Variants in SDK1 observed in about 807,000 individuals in gnomAD.
SDK1 encodes the protein sidekick cell adhesion molecule 1.
Under a neutral mutation model 245.5 loss-of-function variants are expected in SDK1, and 157 were observed. The ratio of observed to expected loss-of-function variants is 0.64; its 90% confidence interval spans 0.56 to 0.73. The LOEUF (loss-of-function observed/expected upper bound fraction) is 0.73. Among genes scored for constraint, SDK1 ranks in the 30% least tolerant of loss-of-function variants. The probability of loss-of-function intolerance (pLI) is 0.00; values close to 1 mark genes in which losing one functional copy is unlikely to be tolerated. For synonymous variants in SDK1, 1,647 were observed against 1,278.5 expected, an observed-to-expected ratio of 1.29 and a Z score of -6.15; for missense variants, 3,583 against 3,002.3, an observed-to-expected ratio of 1.19 and a Z score of -4.52.
chr7:3,858,873 T>C (rs1306881032), intron 5 of SDK1, among the ~76,000 whole-genome samples: 2 of 149,616 alleles, frequency 1.3e-5, no homozygotes, highest in Non-Finnish European at 3.0e-5. Flanking sequence ...TTTCTTTTTT[T>C]TTTTTTTGAG....
At chr7:3,576,149 A>C (rs377030624) in intron 1 of SDK1, among the ~76,000 whole-genome samples, 64 of 152,280 alleles carry the variant, frequency 4.2e-4, no homozygotes, top group Non-Finnish European at 7.9e-4. Flanking sequence ...AGAATTTTCT[A>C]CTAGACCAGG....
intron 32 of SDK1, among the ~76,000 whole-genome samples, chr7:4,164,199 C>G (rs1015245508): frequency 6.6e-6 from 1 of 152,192 alleles, no homozygotes; most frequent in African/African-American, 2.4e-5. Context: ...AGCCTGGGCC[C>G]CACCTCTGCC....
intron 1 of SDK1, among the ~76,000 whole-genome samples, chr7:3,428,879 G>A (rs954328354): frequency 2.0e-5 from 3 of 152,164 alleles, no homozygotes; most frequent in Admixed American, 2.0e-4. Flanking sequence ...GGAGAAAACT[G>A]GTCTAAATAG....
chr7:3,824,055 T>C (rs1779710613), intron 5 of SDK1, among the ~76,000 whole-genome samples: 1 of 152,114 alleles, frequency 6.6e-6, no homozygotes. Flanking sequence ...TTGTTTTAAT[T>C]GTGCTTCTTT....
intron 5 of SDK1, among the ~76,000 whole-genome samples, chr7:3,828,259 C>T (rs530044621): frequency 1.1e-4 from 16 of 151,930 alleles, no homozygotes; most frequent in Admixed American, 6.6e-5. Context: ...ACCAAGGCGA[C>T]GGAGCAAGAC....
At chr7:4,074,412 A>G (rs1448816242) in intron 20 of SDK1, among the ~76,000 whole-genome samples, 1 of 152,144 alleles carries the variant, frequency 6.6e-6, no homozygotes, top group African/African-American at 2.4e-5. Context: ...AAGTCCACGA[A>G]GCTTTCTGTG....
At chr7:3,481,470 C>T (rs1180649312) in intron 1 of SDK1, among the ~76,000 whole-genome samples, 1 of 152,234 alleles carries the variant, frequency 6.6e-6, no homozygotes, top group Non-Finnish European at 1.5e-5. Context: ...TTCTGTGCTC[C>T]CAGAGTCTGA....
Position 3,950,926 on chromosome 7 carries a change from A to T in SDK1, c.851A>T (p.Asp284Val). 1.9e-6 allele frequency: 3 copies of T among 1,611,560 alleles called. No individual in the cohort carries two copies. Among genetic ancestry groups the T allele is most frequent in the Non-Finnish European group, 2.5e-6 (3 of 1,177,958 alleles). Residue 284 changes from aspartate (D) to valine (V), a missense_variant, in exon 6 of 45, where the codon GAT becomes GTT. Asp to Val is a radical substitution (Grantham distance 152). Transcript: ENST00000404826. Reference sequence around the variant, plus strand: ...ATTTCTCTTTTCTCTGCCACAGGAGATGTTGGCACACCTGAAACCATGGCC... The same window carrying T: ...ATTTCTCTTTTCTCTGCCACAGGAGTTGTTGGCACACCTGAAACCATGGCC... ...SPFIHLSIAR[D>V]VGTPETMAPT...
intron 28 of SDK1, among the ~76,000 whole-genome samples, chr7:4,136,202 G>C (rs1251163005): frequency 1.3e-5 from 2 of 152,186 alleles, no homozygotes; most frequent in East Asian, 3.8e-4. Flanking sequence ...CTGTCATGCA[G>C]CATTGGCTTG....
chr7:4,253,297 A>G (rs550013703), intron 44 of SDK1, among the ~76,000 whole-genome samples: 24 of 152,292 alleles, frequency 1.6e-4, no homozygotes, highest in Admixed American at 1.5e-3. Context: ...GCACTGTGTT[A>G]GCTGAATCTC....
chr7:3,479,861 C>CAA (rs200021941), intron 1 of SDK1, among the ~76,000 whole-genome samples: 19,958 of 131,810 alleles, frequency 0.15, 1,420 homozygotes, highest in Middle Eastern at 0.23. Context: ...GAGTCCATCT[C>CAA]AAAAAAAAAA....
At chr7:3,409,597 T>C (rs1393642389) in intron 1 of SDK1, among the ~76,000 whole-genome samples, 3 of 152,118 alleles carry the variant, frequency 2.0e-5, no homozygotes, top group Admixed American at 6.6e-5. Flanking sequence ...GCAGAGGAAA[T>C]GGCAGTGAAG....
intron 1 of SDK1, among the ~76,000 whole-genome samples, chr7:3,476,888 G>C (rs901812415): frequency 1.3e-5 from 2 of 152,146 alleles, no homozygotes; most frequent in African/African-American, 4.8e-5. Context: ...TAGGGCTTTT[G>C]GCAGTAAGTG....
At chr7:4,084,625 G>A (rs1168386262) in intron 22 of SDK1, among the ~76,000 whole-genome samples, 7 of 151,362 alleles carry the variant, frequency 4.6e-5, no homozygotes, top group Non-Finnish European at 1.0e-4. Flanking sequence ...TCATACTGAC[G>A]TTTCCAATGA....
chr7:3,743,212 G>A (rs1779525333), intron 4 of SDK1, among the ~76,000 whole-genome samples: 1 of 152,120 alleles, frequency 6.6e-6, no homozygotes, highest in South Asian at 2.1e-4. Flanking sequence ...TCATGTGAGG[G>A]GTAGTTTAAA....
chr7:4,161,502 C>T (rs1012913410), intron 31 of SDK1, among the ~76,000 whole-genome samples: 16 of 152,206 alleles, frequency 1.1e-4, no homozygotes, highest in African/African-American at 3.9e-4. Flanking sequence ...AGCTCCAGGA[C>T]AGCCTCACTG....
chr7:3,391,049 CT>C (rs1466000968), intron 1 of SDK1, among the ~76,000 whole-genome samples: 1 of 152,122 alleles, frequency 6.6e-6, no homozygotes, highest in Non-Finnish European at 1.5e-5. Flanking sequence ...TACCATTGCT[CT>C]TTGAGTAATT....
intron 10 of SDK1, 133 bp from the exon 11 acceptor site, chr7:3,969,124 A>C: frequency 1.3e-6 from 1 of 747,916 alleles, no homozygotes; most frequent in Non-Finnish European, 2.1e-6. Flanking sequence ...CGACGTGGGG[A>C]TTGCAATTCG....
At chr7:3,626,465 C>T (rs1284557402) in intron 2 of SDK1, among the ~76,000 whole-genome samples, 1 of 152,204 alleles carries the variant, frequency 6.6e-6, no homozygotes, top group Non-Finnish European at 1.5e-5. Flanking sequence ...TTATGTTCTC[C>T]TGCCCATTTT....
Sources: gnomAD v4.1 joint callset for allele counts (sites outside exome capture counted in the v4.1 genomes callset) on GRCh38, gnomAD v4.1.1 for gene constraint, MANE v1.5 for transcripts, NCBI Gene and HGNC (gene_info 2026-07-23, HGNC 2026-07-21) for gene names.